ZFP3: variants seen among roughly 807,000 people sequenced by gnomAD.
ZFP3 encodes the protein ZFP3 zinc finger protein, also known as zinc finger protein 3 homolog.
A neutral mutation model predicts 36.7 loss-of-function variants in ZFP3; 18 were observed. The ratio of observed to expected loss-of-function variants is 0.49; its 90% CI spans 0.34 to 0.73. ZFP3 has a LOEUF of 0.73. Ranked by LOEUF, ZFP3 falls within the 30% of genes least tolerant of loss-of-function variation. The pLI is 0.01. For missense variants in ZFP3, 495 were observed against 599.0 expected, an observed-to-expected ratio of 0.83 and a Z score of 1.81; for synonymous variants, 218 against 199.0, an observed-to-expected ratio of 1.10 and a Z score of -0.81.
At position 5,092,861 on chromosome 17, in the gene ZFP3, G is replaced by A. The variant is rs751647859; in HGVS notation, c.1357G>A (p.Glu453Lys). 1.2e-5 allele frequency: 19 copies of A among 1,614,124 alleles called. No homozygotes were observed. The highest frequency in any genetic ancestry group is 3.3e-5 in the Admixed American group (2 of 60,016). Residue 453 changes from glutamate to lysine, a missense_variant, in exon 2 of 2, where the codon GAG becomes AAG. Physicochemically the swap from Glu to Lys is moderately conservative, Grantham distance 56. This residue lies in a region of ZFP3 where 163 missense variants were observed against 178.4 expected (regional missense o/e 0.91). Coordinates refer to ENST00000318833, the MANE Select transcript of ZFP3 (RefSeq NM_153018.3). This position sits in a 1 kb window ranked among gnomAD's most constrained non-coding sequence, Gnocchi z 5.0. Reference sequence around the variant, plus strand: ...TGGAGAGAAACCTTATGAATGTAGCGAGTGTGAGAAAACATTTAGCCAGCA... The same window carrying A: ...TGGAGAGAAACCTTATGAATGTAGCAAGTGTGAGAAAACATTTAGCCAGCA... ...HIGEKPYECS[E>K]CEKTFSQHSQ...
rs183340883 is a variant in ZFP3, at chr17:5,085,658, A to G, written c.-8-5839A>G. 3.9e-5 allele frequency among the ~76,000 whole-genome samples: 6 copies of G among 152,322 alleles called. No individual in the cohort carries two copies. In the East Asian group the frequency reaches 9.6e-4, roughly 24 times the overall value. ...GCTGGGATTATAGGTGTGAGCCACC[A>G]CACCCGGCCCTGAATTTGAGTTTTA... On this transcript the variant is annotated intron_variant, in intron 1 of 1. Transcript: ENST00000318833.
chr17:5,092,859 G>A lies in ZFP3; in HGVS notation c.1355G>A (p.Ser452Asn). 1 of 1,614,040 alleles carries A rather than the reference G, an allele frequency of 6.2e-7. No homozygotes were observed. Among genetic ancestry groups the A allele is most frequent in the Non-Finnish European group, 8.5e-7 (1 of 1,179,976 alleles). ...ATTGGAGAGAAACCTTATGAATGTA[G>A]CGAGTGTGAGAAAACATTTAGCCAG... ...IHIGEKPYECSECEKTFSQHS... is the reference protein window; with the variant it reads ...IHIGEKPYECNECEKTFSQHS... Residue 452 changes from serine (S) to asparagine (N), a missense_variant, in exon 2 of 2, where the codon AGC becomes AAC. Ser to Asn is a conservative substitution (Grantham distance 46). Around this residue, in one of 3 missense-constraint regions of ZFP3, gnomAD observed 163 missense variants for 178.4 expected, o/e 0.91. Coordinates refer to ENST00000318833, the MANE Select transcript of ZFP3 (RefSeq NM_153018.3). The surrounding 1 kb of genome is among the most constrained non-coding windows in gnomAD (Gnocchi z 5.0).
At chr17:5,083,545 C>CA (rs35689875) in intron 1 of ZFP3, among the ~76,000 whole-genome samples, 81,577 of 138,858 alleles carry the variant, frequency 0.59, 24,277 homozygotes, top group Non-Finnish European at 0.7. Flanking sequence ...AACTCTATCT[C>CA]AAAAAAAAAA....
At position 5,083,327 on chromosome 17, in the gene ZFP3, G is replaced by C. The variant is rs140452660; in HGVS notation, c.-9+4752G>C. On this transcript the variant is annotated intron_variant, in intron 1 of 1. Coordinates refer to ENST00000318833, the MANE Select transcript of ZFP3 (RefSeq NM_153018.3). ...AATCCCAGCACTTTGGGACGCCGAG[G>C]TGGATGGATCACCTGAGGTCAGGAG... 3.3e-4 allele frequency among the ~76,000 whole-genome samples: 50 copies of C among 152,298 alleles called. 3 individuals are homozygous for C. In the East Asian group the frequency reaches 9.7e-3, roughly 29 times the overall value.
At chr17:5,091,414 A>G (rs1567749937) in intron 1 of ZFP3, 83 bp from the exon 2 acceptor site, 1 of 1,382,956 alleles carries the variant, frequency 7.2e-7, no homozygotes, top group South Asian at 1.4e-5. Context: ...TATGAGAACT[A>G]CATCAAAGCT....
chr17:5,083,846 A>ATTTTC (rs71149521), intron 1 of ZFP3, among the ~76,000 whole-genome samples: 29,105 of 148,598 alleles, frequency 0.2, 3,538 homozygotes, highest in East Asian at 0.54. Context: ...TTCCATGCAG[A>ATTTTC]TTTTCTTTTC....
chr17:5,090,475 A>G (rs2072144093), intron 1 of ZFP3, among the ~76,000 whole-genome samples: 1 of 152,222 alleles, frequency 6.6e-6, no homozygotes, highest in African/African-American at 2.4e-5. Flanking sequence ...TCCAAATGTC[A>G]GGGAGCCAAA....
chr17:5,080,850 A>G (rs1597902173), intron 1 of ZFP3, among the ~76,000 whole-genome samples: 1 of 151,906 alleles, frequency 6.6e-6, no homozygotes, highest in South Asian at 2.1e-4. Flanking sequence ...GGCTGCCAAA[A>G]CTGCCACTGA....
At position 5,091,730 on chromosome 17, in the gene ZFP3, T is replaced by C. The variant is rs2072151008; in HGVS notation, c.226T>C (p.Phe76Leu). 37 of 1,614,092 alleles carry C rather than the reference T, an allele frequency of 2.3e-5. No individual in the cohort carries two copies. Among genetic ancestry groups the C allele is most frequent in the Non-Finnish European group, 3.1e-5 (36 of 1,180,054 alleles). ...AGACTTTCCATCAGGGTTGATGATC[T>C]TTAAGAAATCACCCTCAAGTGAGAA... ...ERDFPSGLMI[F>L]KKSPSSEKDR... Residue 76 changes from phenylalanine (F) to leucine (L), a missense_variant, in exon 2 of 2, where the codon TTT becomes CTT. Coordinates refer to ENST00000318833, the MANE Select transcript of ZFP3 (RefSeq NM_153018.3).
intron 1 of ZFP3, among the ~76,000 whole-genome samples, chr17:5,087,265 A>G (rs1280583876): frequency 6.6e-6 from 1 of 151,118 alleles, no homozygotes; most frequent in Non-Finnish European, 1.5e-5. Flanking sequence ...ATTTGTAGAG[A>G]TGGGGTCTTG....
rs983709812 is a variant in ZFP3 at position 5,078,527 on chromosome 17, G to C, written c.-57G>C. ...CGGGCTCTGTGCGAGCGGCCCAGCA[G>C]CGCGGAGCCTCAGCGGAGTGAGCGA... On this transcript the variant is annotated 5_prime_UTR_variant, in exon 1 of 2. Transcript: ENST00000318833. This position sits in a 1 kb window ranked among gnomAD's most constrained non-coding sequence, Gnocchi z 4.5. The C allele has an allele frequency of 6.6e-6, 1 of 152,344 alleles. No homozygotes were observed. The highest frequency in any genetic ancestry group is 2.4e-5 in the African/African-American group (1 of 41,472). 9.4% of individuals were successfully genotyped at this position (152,344 alleles called of 1,614,324 possible).
intron 1 of ZFP3, among the ~76,000 whole-genome samples, chr17:5,082,954 C>T (rs2072101920): frequency 6.6e-6 from 1 of 152,180 alleles, no homozygotes; most frequent in Non-Finnish European, 1.5e-5. Flanking sequence ...CAAGAGATTG[C>T]TGTAAATGCA....
At chr17:5,085,477 G>A (rs936608073) in intron 1 of ZFP3, among the ~76,000 whole-genome samples, 1 of 151,560 alleles carries the variant, frequency 6.6e-6, no homozygotes, top group Non-Finnish European at 1.5e-5. Context: ...CACGCCACTC[G>A]CCTGCATCAG....
chr17:5,091,558 T>A lies in ZFP3; in HGVS notation c.54T>A (p.Ser18=), dbSNP rs373620845. The change falls in exon 2 of 2, where the codon TCT becomes TCA. Residue 18 remains serine, a synonymous_variant. Transcript: ENST00000318833. Reference sequence around the variant, plus strand: ...CCAAGGAAGAAATTTCTGAAGAATCTGAGCCACATGGGTCATTATTAGAAA... The same window carrying A: ...CCAAGGAAGAAATTTCTGAAGAATCAGAGCCACATGGGTCATTATTAGAAA... ...VIPKEEISEE[S]EPHGSLLEKF... 27 of 1,614,106 alleles carry A rather than the reference T, an allele frequency of 1.7e-5. No homozygotes were observed. In the African/African-American group the frequency reaches 2.1e-4, roughly 13 times the overall value.
chr17:5,091,797 G>T lies in ZFP3; in HGVS notation c.293G>T (p.Ser98Ile). Residue 98 changes from serine to isoleucine, a missense_variant, in exon 2 of 2, where the codon AGC becomes ATC. Around this residue, in one of 3 missense-constraint regions of ZFP3, gnomAD observed 229 missense variants for 233.8 expected, o/e 0.98. Coordinates refer to ENST00000318833, the MANE Select transcript of ZFP3 (RefSeq NM_153018.3). The part of the protein sequence containing the change: ...NNESERGCSP[S>I]PNLVTHQGDT... ...GAGAGTGAGAGAGGCTGCAGTCCCA[G>T]CCCAAATCTGGTTACACATCAGGGA... is the stretch of plus-strand genomic sequence containing the variant. 6.2e-7 allele frequency: 1 copy of T among 1,614,192 alleles called. No individual in the cohort carries two copies. The highest frequency in any genetic ancestry group is 8.5e-7 in the Non-Finnish European group (1 of 1,180,028).
In ZFP3 at chr17:5,091,719, G is replaced by T. The variant is rs2072150872; in HGVS notation, c.215G>T (p.Gly72Val). 6.2e-7 allele frequency: 1 copy of T among 1,614,056 alleles called. No homozygotes were observed. The change falls in exon 2 of 2, where the codon GGG becomes GTG. Residue 72 changes from glycine (G) to valine (V), a missense_variant. Gly to Val is a moderately radical substitution (Grantham distance 109, BLOSUM62 -3). Around this residue, in one of 3 missense-constraint regions of ZFP3, gnomAD observed 229 missense variants for 233.8 expected, o/e 0.98. Transcript: ENST00000318833. ...CCTCAGGAGAGAGACTTTCCATCAG[G>T]GTTGATGATCTTTAAGAAATCACCC... is the stretch of plus-strand genomic sequence containing the variant. Reference protein sequence around the residue: ...MSPQERDFPSGLMIFKKSPSS... With the variant: ...MSPQERDFPSVLMIFKKSPSS...
At chr17:5,091,227 C>T (rs575970169) in intron 1 of ZFP3, among the ~76,000 whole-genome samples, 47 of 152,142 alleles carry the variant, frequency 3.1e-4, no homozygotes, top group South Asian at 2.7e-3. Context: ...CTTGTCATTT[C>T]GCCAGATATC....
Position 5,091,665 on chromosome 17 carries a change from C to T in ZFP3, c.161C>T (p.Ser54Phe), listed in dbSNP as rs2072150452. 5 of 1,614,136 alleles carry T rather than the reference C, an allele frequency of 3.1e-6. No homozygotes were observed. Among genetic ancestry groups the T allele is most frequent in the Non-Finnish European group, 3.4e-6 (4 of 1,180,020 alleles). The change falls in exon 2 of 2, where the codon TCC becomes TTC. Residue 54 changes from serine (S) to phenylalanine (F), a missense_variant. By Grantham distance (155) the Ser-to-Phe change is radical (BLOSUM62 -2). This residue lies in a region of ZFP3 where 229 missense variants were observed against 233.8 expected (regional missense o/e 0.98). Transcript: ENST00000318833. ...ATGTTGGAGGGACATTCGAGAGAGT[C>T]CATGGAAGAGGTTATAGAGCAGATG... ...EDMLEGHSRE[S>F]MEEVIEQMSP...
At chr17:5,081,102 T>TG (rs2072090817) in intron 1 of ZFP3, among the ~76,000 whole-genome samples, 1 of 151,264 alleles carries the variant, frequency 6.6e-6, no homozygotes, top group Non-Finnish European at 1.5e-5. Flanking sequence ...TCTTTTTTTT[T>TG]TTTTTTCTTT....
Sources: gnomAD v4.1 joint callset for allele counts (sites outside exome capture counted in the v4.1 genomes callset) on GRCh38, gnomAD v4.1.1 for gene constraint, gnomAD v4.1.1 regional missense constraint, Gnocchi (gnomAD v3.1) non-coding constraint, MANE v1.5 for transcripts, NCBI Gene and HGNC (gene_info 2026-07-23, HGNC 2026-07-21) for gene names.